The following BCR variants were observed in gnomAD, a reference collection of about 807,000 sequenced individuals.
The protein encoded by BCR is breakpoint cluster region protein.
BCR carries 58 observed loss-of-function variants against 138.6 expected under a neutral mutation model. The observed-to-expected ratio is 0.42, with a 90% confidence interval of 0.34 to 0.52. The LOEUF (loss-of-function observed/expected upper bound fraction) is 0.52, where lower values mean the gene tolerates loss of function less well. Ranked by LOEUF, BCR falls within the 20% of genes least tolerant of loss-of-function variation. BCR has a pLI of 0.06. For synonymous variants in BCR, 786 were observed against 730.1 expected (o/e 1.08, Z -1.23); for missense variants, 1,599 against 1,727.2 (o/e 0.93, Z 1.32).
At chr22:23,225,205 T>C (rs2072875191) in intron 1 of BCR, among the ~76,000 whole-genome samples, 2 of 151,910 alleles carry the variant, frequency 1.3e-5, no homozygotes, top group African/African-American at 4.8e-5. Context: ...TTTTTTTTTT[T>C]TCCTGTGCCT....
chr22:23,261,093 G>C (rs1222847707), intron 3 of BCR, 39 bp downstream of exon 3: 3 of 1,586,612 alleles, frequency 1.9e-6, no homozygotes, highest in Non-Finnish European at 2.6e-6. Flanking sequence ...GCGGGATGGG[G>C]CAGGGTGACA....
chr22:23,206,373 G>C (rs998831566), intron 1 of BCR, among the ~76,000 whole-genome samples: 8 of 152,076 alleles, frequency 5.3e-5, no homozygotes, highest in African/African-American at 1.2e-4. Flanking sequence ...AGGAGATCGG[G>C]ACCATCCTGG....
Position 23,301,285 on chromosome 22 carries a change from G to A in BCR, c.3012+6130G>A, listed in dbSNP as rs927458826. Among the ~76,000 whole-genome samples the A allele has an allele frequency of 1.3e-5, 2 of 152,258 alleles. 1 individual carries two copies. The highest frequency in any genetic ancestry group is 2.9e-5 in the Non-Finnish European group (2 of 68,054). The stretch of plus-strand genomic sequence containing the variant: ...CGTGCCACTGCACTCCAGCCTGGGG[G>A]ACAGAGCGAGACTATCTCAAAAAAG... On this transcript the variant is annotated intron_variant, in intron 16 of 22. Transcript: ENST00000305877.
intron 1 of BCR, among the ~76,000 whole-genome samples, chr22:23,191,222 T>C (rs2072409590): frequency 6.6e-6 from 1 of 152,252 alleles, no homozygotes; most frequent in South Asian, 2.1e-4. Context: ...AGATGTGAGT[T>C]ACTGCACACA....
intron 5 of BCR, among the ~76,000 whole-genome samples, chr22:23,270,608 T>C (rs1410168181): frequency 2.0e-5 from 3 of 152,256 alleles, no homozygotes; most frequent in Non-Finnish European, 2.9e-5. Context: ...CCAAAGTGCA[T>C]GGCAGCGTTT....
At position 23,253,999 on chromosome 22, in the gene BCR, C is replaced by T. The variant is rs756812114; in HGVS notation, c.1461+19C>T. 22 of 1,596,192 alleles carry T rather than the reference C, an allele frequency of 1.4e-5. No individual in the cohort carries two copies. The East Asian group carries it at 2.2e-4, about 16-fold the overall frequency. On this transcript the variant is annotated intron_variant, in intron 2 of 22. Coordinates refer to ENST00000305877, the MANE Select transcript of BCR (RefSeq NM_004327.4). ...TAAAGCGGTGAGTCCCCATGGTGTA[C>T]GTGTGGCAGGAGGGCCAGGTGAGGC...
At chr22:23,283,846 T>A (rs551715871) in intron 8 of BCR, 131 bp from the exon 9 acceptor site, 2 of 1,239,782 alleles carry the variant, frequency 1.6e-6, no homozygotes, top group South Asian at 3.2e-5. Context: ...GGGTCAGATG[T>A]GGAGGGAGTG....
chr22:23,257,518 A>T (rs1342313422), intron 2 of BCR, among the ~76,000 whole-genome samples: 1 of 152,244 alleles, frequency 6.6e-6, no homozygotes, highest in East Asian at 1.9e-4. Context: ...TTAGAACATG[A>T]GCACGGCTGG....
At chr22:23,286,235 A>G (rs1304224924) in intron 10 of BCR, among the ~76,000 whole-genome samples, 1 of 152,128 alleles carries the variant, frequency 6.6e-6, no homozygotes, top group Non-Finnish European at 1.5e-5. Flanking sequence ...TTTTCCAGAG[A>G]TGTTTGAAGA....
intron 5 of BCR, among the ~76,000 whole-genome samples, chr22:23,270,944 G>T (rs2073502785): frequency 6.6e-6 from 1 of 152,248 alleles, no homozygotes; most frequent in African/African-American, 2.4e-5. Flanking sequence ...GCAGGTGGAG[G>T]TATAATCCAG....
chr22:23,308,253 C>T (rs571439749), intron 16 of BCR, among the ~76,000 whole-genome samples: 1 of 152,312 alleles, frequency 6.6e-6, no homozygotes, highest in African/African-American at 2.4e-5. Context: ...CCAGGTCCCA[C>T]TCAGATTATG....
At chr22:23,313,660 G>A (rs1053761315) in intron 20 of BCR, among the ~76,000 whole-genome samples, 9 of 152,170 alleles carry the variant, frequency 5.9e-5, no homozygotes, top group African/African-American at 2.2e-4. Flanking sequence ...GGCTCCTCTG[G>A]GGAGGGGGTG....
chr22:23,248,854 C>T (rs1393666095), intron 1 of BCR, among the ~76,000 whole-genome samples: 2 of 152,188 alleles, frequency 1.3e-5, no homozygotes, highest in African/African-American at 4.8e-5. Context: ...CTCAGTCCTG[C>T]CAAGGGTGAG....
rs2146187774 is a variant in BCR, at chr22:23,181,120, T to C, written c.160T>C (p.Phe54Leu). The C allele has an allele frequency of 6.7e-7, 1 of 1,498,136 alleles. No homozygotes were observed. Among genetic ancestry groups the C allele is most frequent in the Non-Finnish European group, 9.0e-7 (1 of 1,115,634 alleles). The allele number at this position is 1,498,136 out of a possible 1,614,324, so 92.8% of individuals were successfully genotyped here. ...GGAGCAGGAGGTGAACCAGGAGCGC[T>C]TCCGCATGATCTACCTGCAGACGTT... ...RLEQEVNQER[F>L]RMIYLQTLLA... The change falls in exon 1 of 23, where the codon TTC (phenylalanine) becomes CTC (leucine). Residue 54 changes from phenylalanine (F) to leucine (L), a missense_variant. By Grantham distance (22) the Phe-to-Leu change is conservative (BLOSUM62 0). Coordinates refer to ENST00000305877, the MANE Select transcript of BCR (RefSeq NM_004327.4).
intron 4 of BCR, chr22:23,263,481 C>A: frequency 6.5e-7 from 1 of 1,537,106 alleles, no homozygotes; most frequent in Non-Finnish European, 9.0e-7. Context: ...CAGTCAGATG[C>A]CCTGGATGCA....
At chr22:23,221,418 G>A (rs970328121) in intron 1 of BCR, among the ~76,000 whole-genome samples, 5 of 152,200 alleles carry the variant, frequency 3.3e-5, no homozygotes, top group Admixed American at 2.6e-4. Flanking sequence ...CATCAGGGGT[G>A]TAAATGATGG....
At chr22:23,207,144 C>T (rs1415699314) in intron 1 of BCR, among the ~76,000 whole-genome samples, 1 of 152,140 alleles carries the variant, frequency 6.6e-6, no homozygotes, top group Non-Finnish European at 1.5e-5. Context: ...TGATGTGACA[C>T]CTACTGGGGT....
intron 1 of BCR, among the ~76,000 whole-genome samples, chr22:23,221,143 G>A (rs2146231849): frequency 6.6e-6 from 1 of 152,298 alleles, no homozygotes; most frequent in Non-Finnish European, 1.5e-5. Flanking sequence ...TCTTCCTAGT[G>A]CATGAGTAAT....
intron 1 of BCR, among the ~76,000 whole-genome samples, chr22:23,228,520 T>C (rs1165777152): frequency 6.6e-6 from 1 of 152,236 alleles, no homozygotes; most frequent in Non-Finnish European, 1.5e-5. Context: ...TACTACCTTA[T>C]AGTTCTGGCC....
Sources: allele counts gnomAD v4.1 joint callset (sites outside exome capture counted in the v4.1 genomes callset), GRCh38; gene constraint gnomAD v4.1.1; transcripts MANE v1.5; gene names NCBI Gene and HGNC (gene_info 2026-07-23, HGNC 2026-07-21).